ATP12A: variants seen among roughly 807,000 people sequenced by gnomAD.
ATP12A encodes the protein potassium-transporting ATPase alpha chain 2.
ATP12A carries 81 observed loss-of-function variants against 111.2 expected under a neutral mutation model. The ratio of observed to expected loss-of-function variants is 0.73; its 90% CI spans 0.61 to 0.88. The LOEUF (loss-of-function observed/expected upper bound fraction) is 0.88. ATP12A is among the 40% of genes least tolerant of loss of function. ATP12A has a pLI of 0.00. For missense variants in ATP12A, 1,196 were observed against 1,313.1 expected (o/e 0.91, Z 1.38); for synonymous variants, 498 against 499.8 (o/e 1.00, Z 0.05).
At chr13:24,694,353 G>A in intron 10 of ATP12A, 91 bp from the exon 11 acceptor site, 1 of 1,482,746 alleles carries the variant, frequency 6.7e-7, no homozygotes, top group South Asian at 1.3e-5. Context: ...AGGTGGTAAT[G>A]GGATCAGGAG....
rs752166372 is a variant in ATP12A, at chr13:24,688,356, G to A, written c.266G>A (p.Arg89Gln). ...SSTRAAELLA[R>Q]DGPNSLTPPK... Reference sequence around the variant, plus strand: ...ACCAGAGCTGCCGAGCTCCTGGCCCGGGATGGGCCCAACTCCCTCACCCCT... The same window carrying A: ...ACCAGAGCTGCCGAGCTCCTGGCCCAGGATGGGCCCAACTCCCTCACCCCT... The change falls in exon 4 of 23, where the codon CGG becomes CAG. Residue 89 changes from arginine to glutamine, a missense_variant. Transcript: ENST00000381946. The A allele has an allele frequency of 9.9e-6, 16 of 1,613,970 alleles. No homozygotes were observed. The highest frequency in any genetic ancestry group is 3.3e-5 in the Admixed American group (2 of 60,010).
intron 14 of ATP12A, 123 bp downstream of exon 14, chr13:24,702,194 T>A: frequency 7.7e-7 from 1 of 1,306,386 alleles, no homozygotes; most frequent in East Asian, 2.4e-5. Context: ...TAGGCTTGTT[T>A]GAGCTATTAT....
chr13:24,696,473 G>A (rs1300354339), intron 11 of ATP12A, among the ~76,000 whole-genome samples: 2 of 71,548 alleles, frequency 2.8e-5, no homozygotes, highest in African/African-American at 4.9e-5. Flanking sequence ...TTGGGAGGCC[G>A]AGGCGGGTGG....
intron 2 of ATP12A, among the ~76,000 whole-genome samples, chr13:24,682,794 C>T (rs1376592304): frequency 6.6e-6 from 1 of 152,128 alleles, no homozygotes; most frequent in Non-Finnish European, 1.5e-5. Flanking sequence ...CAACAAATGA[C>T]TGACCCTCAC....
chr13:24,680,808 G>C (rs1236028475), intron 1 of ATP12A, 56 bp downstream of exon 1: 35 of 1,453,024 alleles, frequency 2.4e-5, no homozygotes, highest in Non-Finnish European at 3.0e-5. Flanking sequence ...AAGGCCCCGG[G>C]GACCGGAGCA....
rs747952077 is a variant in ATP12A at position 24,706,368 on chromosome 13, C to G, written c.2074C>G (p.Gln692Glu). 1.9e-6 allele frequency: 3 copies of G among 1,614,238 alleles called. No homozygotes were observed. In the Admixed American group the frequency reaches 5.0e-5, roughly 27 times the overall value. ...GMELKDMSSE[Q>E]LDEILANYQE... ...GGAGCTGAAGGACATGAGCTCAGAA[C>G]AGCTGGATGAGATCTTAGCCAACTA... Residue 692 changes from glutamine (Q) to glutamate (E), a missense_variant, in exon 15 of 23, where the codon CAG becomes GAG. Gln to Glu is a conservative substitution (Grantham distance 29, BLOSUM62 2). This residue lies in a region of ATP12A where 1,126 missense variants were observed against 1,228.5 expected (regional missense o/e 0.92). Coordinates refer to ENST00000381946, the MANE Select transcript of ATP12A (RefSeq NM_001676.7).
Position 24,698,755 on chromosome 13 carries a change from T to C in ATP12A, c.1610T>C (p.Met537Thr), listed in dbSNP as rs752565974. 6.2e-7 allele frequency: 1 copy of C among 1,614,058 alleles called. No individual in the cohort carries two copies. Among genetic ancestry groups the C allele is most frequent in the East Asian group, 2.2e-5 (1 of 44,836 alleles). ...ERILEKCSTIMINGEEHPLDK... is the reference protein window; with the variant it reads ...ERILEKCSTITINGEEHPLDK... ...ATCCTAGAGAAATGCAGCACCATCATGATCAACGGCGAGGAGCACCCACTG... is the reference window on the plus strand; with the variant it reads ...ATCCTAGAGAAATGCAGCACCATCACGATCAACGGCGAGGAGCACCCACTG... Residue 537 changes from methionine to threonine, a missense_variant, in exon 12 of 23, where the codon ATG (methionine) becomes ACG (threonine). Physicochemically the swap from Met to Thr is moderately conservative, Grantham distance 81. Coordinates refer to ENST00000381946, the MANE Select transcript of ATP12A (RefSeq NM_001676.7).
At chr13:24,709,560 C>T (rs1384579858) in intron 18 of ATP12A, 73 bp downstream of exon 18, 1 of 1,595,862 alleles carries the variant, frequency 6.3e-7, no homozygotes, top group Non-Finnish European at 8.6e-7. Context: ...GGGGCACAGC[C>T]AGAAAGTGTG....
chr13:24,691,190 C>T lies in ATP12A; in HGVS notation c.1008C>T (p.Ile336=). 6.2e-7 allele frequency: 1 copy of T among 1,614,184 alleles called. No homozygotes were observed. Among genetic ancestry groups the T allele is most frequent in the Non-Finnish European group, 8.5e-7 (1 of 1,180,016 alleles). ...VSLKYQVLDS[I]IFLIGIIVAN... ...TGAAGTATCAAGTCCTGGACTCCAT[C>T]ATCTTCCTCATTGGCATCATTGTGG... The change falls in exon 8 of 23, where the codon ATC becomes ATT. Residue 336 remains isoleucine, a synonymous_variant. Transcript: ENST00000381946.
rs146779516 is a variant in ATP12A, at chr13:24,698,862, G to A, written c.1705+12G>A. On this transcript the variant is annotated intron_variant, in intron 12 of 22. Coordinates refer to ENST00000381946, the MANE Select transcript of ATP12A (RefSeq NM_001676.7). The stretch of plus-strand genomic sequence containing the variant: ...CGAGCGTGTGCTGGGTGAGTGCGGC[G>A]GCAGGGCCCTGCCCATCACCTGGTG... 5.0e-4 allele frequency: 813 copies of A among 1,612,468 alleles called. 4 individuals are homozygous for A. The African/African-American group carries it at 8.2e-3, about 16-fold the overall frequency.
At chr13:24,711,457 C>T (rs1480284750) in intron 22 of ATP12A, 37 bp from the exon 23 acceptor site, 33 of 1,614,000 alleles carry the variant, frequency 2.0e-5, no homozygotes, top group Non-Finnish European at 2.8e-5. Context: ...CTTCAACAGA[C>T]TCTCCATTTC....
In ATP12A at chr13:24,698,751, A is replaced by C; in HGVS notation, c.1606A>C (p.Ile536Leu). ...PERILEKCSTIMINGEEHPLD... is the reference protein window; with the variant it reads ...PERILEKCSTLMINGEEHPLD... The stretch of plus-strand genomic sequence containing the variant: ...GCGCATCCTAGAGAAATGCAGCACC[A>C]TCATGATCAACGGCGAGGAGCACCC... The change falls in exon 12 of 23, where the codon ATC becomes CTC. Residue 536 changes from isoleucine to leucine, a missense_variant. This residue lies in a region of ATP12A where 1,126 missense variants were observed against 1,228.5 expected (regional missense o/e 0.92). Coordinates refer to ENST00000381946, the MANE Select transcript of ATP12A (RefSeq NM_001676.7). The C allele has an allele frequency of 6.2e-7, 1 of 1,614,114 alleles. No homozygotes were observed. The highest frequency in any genetic ancestry group is 8.5e-7 in the Non-Finnish European group (1 of 1,180,020).
Position 24,689,291 on chromosome 13 carries a change from G to C in ATP12A, c.462G>C (p.Val154=). ...ACTTGGGCTGTGTGCTTGGTCTGGT[G>C]GTCATTTTAACGGGGATCTTTGCTT... The part of the protein sequence containing the change: ...NVYLGCVLGL[V]VILTGIFAYY... Residue 154 remains valine, a synonymous_variant, in exon 5 of 23, where the codon GTG becomes GTC. Transcript: ENST00000381946. 6.2e-7 allele frequency: 1 copy of C among 1,614,072 alleles called. No individual in the cohort carries two copies. Among genetic ancestry groups the C allele is most frequent in the Non-Finnish European group, 8.5e-7 (1 of 1,179,988 alleles).
At chr13:24,684,005 T>A (rs79516284) in intron 2 of ATP12A, among the ~76,000 whole-genome samples, 1 of 152,080 alleles carries the variant, frequency 6.6e-6, no homozygotes, top group East Asian at 1.9e-4. Context: ...GGTGGGGTGC[T>A]GCCCTGTGCT....
intron 17 of ATP12A, among the ~76,000 whole-genome samples, chr13:24,708,667 G>A (rs550091055): frequency 1.6e-4 from 24 of 151,946 alleles, no homozygotes; most frequent in African/African-American, 5.3e-4. Context: ...TTCAGCTCAG[G>A]AGTTTGAGTC....
chr13:24,704,771 C>A, intron 14 of ATP12A: 2 of 195,112 alleles, frequency 1.0e-5, no homozygotes, highest in South Asian at 8.1e-5. Context: ...AGTCAAAAGT[C>A]ACAAAGGGAC....
intron 3 of ATP12A, among the ~76,000 whole-genome samples, chr13:24,688,112 C>G (rs867831969): frequency 5.9e-5 from 9 of 152,272 alleles, no homozygotes; most frequent in African/African-American, 2.2e-4. Context: ...GAGCACAGTG[C>G]CTGGCTGGTA....
At chr13:24,701,889 C>G (rs1206247975) in intron 13 of ATP12A, 46 bp from the exon 14 acceptor site, 1 of 1,613,036 alleles carries the variant, frequency 6.2e-7, no homozygotes, top group South Asian at 1.1e-5. Context: ...CTTTGGCCAA[C>G]CGAGTTCTTC....
intron 12 of ATP12A, 50 bp from the exon 13 acceptor site, chr13:24,700,697 T>A: frequency 1.3e-6 from 2 of 1,560,146 alleles, no homozygotes; most frequent in East Asian, 4.5e-5. Flanking sequence ...CTTATTTTTT[T>A]TCGTTTCCTA....
Sources: gnomAD v4.1 joint callset for allele counts (sites outside exome capture counted in the v4.1 genomes callset) on GRCh38, gnomAD v4.1.1 for gene constraint, gnomAD v4.1.1 regional missense constraint, MANE v1.5 for transcripts, NCBI Gene and HGNC (gene_info 2026-07-23, HGNC 2026-07-21) for gene names.